HLTF: variants seen among roughly 807,000 people sequenced by gnomAD.
HLTF encodes the protein DNA-dependent ATPase/E3 ubiquitin-protein ligase HLTF.
In HLTF, 127 loss-of-function variants were observed where a neutral mutation model predicts 129.4. The ratio of observed to expected loss-of-function variants is 0.98; its 90% confidence interval spans 0.85 to 1.14. The LOEUF is 1.14. Among genes scored for constraint, HLTF ranks in the 50% most tolerant of loss-of-function variants. The pLI is 0.00. For missense variants in HLTF, 1,139 were observed against 1,187.1 expected (o/e 0.96, Z 0.60); for synonymous variants, 332 against 388.8 (o/e 0.85, Z 1.72).
At position 149,032,267 on chromosome 3, in the gene HLTF, T is replaced by A. The variant is rs762863740; in HGVS notation, c.2983A>T (p.Met995Leu). The change falls in exon 25 of 25, where the codon ATG (methionine) becomes TTG (leucine). Residue 995 changes from methionine to leucine, a missense_variant. Met to Leu is a conservative substitution (Grantham distance 15). Coordinates refer to ENST00000310053, the MANE Select transcript of HLTF (RefSeq NM_003071.4). ...FGTKKPNADE[M>L]KQAKINEIRT... Reference sequence around the variant, plus strand: ...ATTTCATTAATTTTGGCTTGTTTCATTTCGTCAGCATTTGGTTTTTTAGTT... The same window carrying A: ...ATTTCATTAATTTTGGCTTGTTTCAATTCGTCAGCATTTGGTTTTTTAGTT... 3 of 1,600,644 alleles carry A rather than the reference T, an allele frequency of 1.9e-6. No homozygotes were observed. The highest frequency in any genetic ancestry group is 3.5e-5 in the Admixed American group (2 of 57,100).
intron 23 of HLTF, among the ~76,000 whole-genome samples, chr3:149,036,297 G>GTGTTTTTTTTTT (rs1715617515): frequency 9.3e-6 from 1 of 107,986 alleles, no homozygotes; most frequent in African/African-American, 3.8e-5. Flanking sequence ...AAACTATGAG[G>GTGTTTTTTTTTT]TTTTTTTTTT....
In HLTF at chr3:149,031,479, G is replaced by A. The variant is rs958345685; in HGVS notation, c.*741C>T. ...TAATTTAAAATATTCAAATCAAATT[G>A]GGTAGGACTGGTTTGCCTCTCACTC... On this transcript the variant is annotated 3_prime_UTR_variant, in exon 25 of 25. Transcript: ENST00000310053. 1.3e-5 allele frequency: 2 copies of A among 152,534 alleles called. No homozygotes were observed. The highest frequency in any genetic ancestry group is 6.5e-5 in the Admixed American group (1 of 15,274). 9.4% of individuals were successfully genotyped at this position (152,534 alleles called of 1,614,324 possible).
In HLTF at chr3:149,032,329, T is replaced by G. The variant is rs961591832; in HGVS notation, c.2921A>C (p.Gln974Pro). Residue 974 changes from glutamine to proline, a missense_variant, in exon 25 of 25, where the codon CAA becomes CCA. Gln to Pro is a moderately conservative substitution (Grantham distance 76). Transcript: ENST00000310053. ...DSVEENMLKI[Q>P]NKKRELAAGA... Reference sequence around the variant, plus strand: ...TGCTGCAAGTTCTCTCTTTTTGTTTTGTATTTTCAGCATATTTTCTTCAAC... The same window carrying G: ...TGCTGCAAGTTCTCTCTTTTTGTTTGGTATTTTCAGCATATTTTCTTCAAC... 6.3e-7 allele frequency: 1 copy of G among 1,592,516 alleles called. No individual in the cohort carries two copies. Among genetic ancestry groups the G allele is most frequent in the Non-Finnish European group, 8.5e-7 (1 of 1,170,078 alleles).
At chr3:149,042,085 A>G in intron 19 of HLTF, 81 bp downstream of exon 19, 1 of 1,230,774 alleles carries the variant, frequency 8.1e-7, no homozygotes, top group Non-Finnish European at 1.2e-6. Context: ...AACTAAATGT[A>G]TGCCACATAA....
intron 15 of HLTF, 69 bp downstream of exon 15, chr3:149,050,163 T>G: frequency 5.0e-6 from 5 of 1,001,214 alleles, no homozygotes; most frequent in Non-Finnish European, 7.1e-6. Context: ...TTTGGAACAC[T>G]CTAGAAACCT....
chr3:149,061,410 C>CA (rs1218192645), intron 10 of HLTF, among the ~76,000 whole-genome samples: 1 of 127,810 alleles, frequency 7.8e-6, no homozygotes, highest in Non-Finnish European at 1.6e-5. Flanking sequence ...CACTCCATCT[C>CA]AAAAAAATAA....
intron 21 of HLTF, 23 bp downstream of exon 21, chr3:149,040,008 A>G (rs367774332): frequency 8.2e-6 from 13 of 1,589,922 alleles, no homozygotes; most frequent in Non-Finnish European, 1.1e-5. Context: ...AAATACTCAA[A>G]TATTTGCACA....
At chr3:149,074,164 T>C (rs1719127226) in intron 4 of HLTF, 51 bp downstream of exon 4, 2 of 1,544,776 alleles carry the variant, frequency 1.3e-6, no homozygotes, top group East Asian at 4.5e-5. Flanking sequence ...TGTTTCATAA[T>C]CCCTGCATCT....
intron 7 of HLTF, among the ~76,000 whole-genome samples, chr3:149,068,812 G>A (rs984050848): frequency 6.6e-6 from 1 of 152,172 alleles, no homozygotes; most frequent in South Asian, 2.1e-4. Context: ...TTTTTCTTAA[G>A]TGGAAGTATG....
At chr3:149,070,642 A>C (rs16861379) in intron 7 of HLTF, among the ~76,000 whole-genome samples, 2,547 of 152,186 alleles carry the variant, frequency 0.017, 68 homozygotes, top group African/African-American at 0.058. Context: ...ACTCTGCATA[A>C]CACAATATTT....
intron 10 of HLTF, among the ~76,000 whole-genome samples, chr3:149,061,829 T>A: frequency 7.0e-6 from 1 of 143,772 alleles, no homozygotes. Context: ...GGAGCAAAAC[T>A]CTGTCTCAAA....
At chr3:149,055,432 G>C (rs764515735) in intron 13 of HLTF, 32 bp from the exon 14 acceptor site, 2 of 1,440,914 alleles carry the variant, frequency 1.4e-6, no homozygotes, top group South Asian at 2.3e-5. Flanking sequence ...AGAACCTTTA[G>C]CTGTTTTTCT....
Position 149,073,235 on chromosome 3 carries a change from G to A in HLTF, c.617C>T (p.Thr206Ile), listed in dbSNP as rs1719025939. 1 of 1,597,810 alleles carries A rather than the reference G, an allele frequency of 6.3e-7. No individual in the cohort carries two copies. Among genetic ancestry groups the A allele is most frequent in the African/African-American group, 1.3e-5 (1 of 74,340 alleles). Residue 206 changes from threonine (T) to isoleucine (I), a missense_variant, in exon 5 of 25, where the codon ACA (threonine) becomes ATA (isoleucine). Thr to Ile is a moderately conservative substitution (Grantham distance 89). Coordinates refer to ENST00000310053, the MANE Select transcript of HLTF (RefSeq NM_003071.4). ...SMPVHAAVQM[T>I]TEQLKTEFDK... The stretch of plus-strand genomic sequence containing the variant: ...AAAAGAGAAGCACACCTGTTCAGTT[G>A]TCATCTGTACTGCAGCATGCACTGG...
intron 18 of HLTF, among the ~76,000 whole-genome samples, chr3:149,044,396 A>T (rs1716369792): frequency 6.6e-6 from 1 of 152,174 alleles, no homozygotes; most frequent in African/African-American, 2.4e-5. Context: ...TCTTACTGAT[A>T]CTCAGCATTT....
At chr3:149,074,452 GAAGTA>G (rs1719160396) in intron 3 of HLTF, 104 bp from the exon 4 acceptor site, 1 of 1,093,594 alleles carries the variant, frequency 9.1e-7, no homozygotes, top group African/African-American at 1.6e-5. Flanking sequence ...ATTTTACATT[GAAGTA>G]AAGTAATAAG....
chr3:149,068,812 G>C (rs984050848), intron 7 of HLTF, among the ~76,000 whole-genome samples: 1 of 152,172 alleles, frequency 6.6e-6, no homozygotes, highest in Non-Finnish European at 1.5e-5. Context: ...TTTTTCTTAA[G>C]TGGAAGTATG....
intron 13 of HLTF, among the ~76,000 whole-genome samples, chr3:149,056,883 G>A (rs979424558): frequency 6.6e-6 from 1 of 151,968 alleles, no homozygotes; most frequent in African/African-American, 2.4e-5. Context: ...GCCGAGGCGG[G>A]CGGATCACGA....
At chr3:149,041,306 A>C (rs1716115844) in intron 20 of HLTF, among the ~76,000 whole-genome samples, 184 bp downstream of exon 20, 1 of 152,162 alleles carries the variant, frequency 6.6e-6, no homozygotes, top group Admixed American at 6.5e-5. Flanking sequence ...GACTGTGAAC[A>C]TCTTTTTATG....
At chr3:149,047,829 G>T (rs1716678891) in intron 17 of HLTF, among the ~76,000 whole-genome samples, 199 bp downstream of exon 17, 1 of 152,156 alleles carries the variant, frequency 6.6e-6, no homozygotes, top group Admixed American at 6.5e-5. Context: ...AACAGGGGAA[G>T]GGTAGTTATC....
Sources: gnomAD v4.1 joint callset for allele counts (sites outside exome capture counted in the v4.1 genomes callset) on GRCh38, gnomAD v4.1.1 for gene constraint, MANE v1.5 for transcripts, NCBI Gene and HGNC (gene_info 2026-07-23, HGNC 2026-07-21) for gene names.